PRDM5: variants seen among roughly 807,000 people sequenced by gnomAD.
PRDM5 encodes the protein PR/SET domain 5.
A neutral mutation model predicts 81.2 loss-of-function variants in PRDM5; 56 were observed. The observed-to-expected ratio is 0.69, with a 90% confidence interval of 0.56 to 0.86. The LOEUF is 0.86. PRDM5 is among the 40% of genes least tolerant of loss of function. PRDM5 has a pLI of 0.00. For missense variants in PRDM5, 697 were observed against 770.1 expected (o/e 0.91, Z 1.12); for synonymous variants, 267 against 256.4 (o/e 1.04, Z -0.39).
In PRDM5 at chr4:120,703,801, G is replaced by A. The variant is rs546850575; in HGVS notation, c.1728+6508C>T. Among the ~76,000 whole-genome samples, 3 of 152,230 alleles carry A rather than the reference G, an allele frequency of 2.0e-5. No homozygotes were observed. The South Asian group carries it at 6.2e-4, about 32-fold the overall frequency. ...GTGGTGTTTCCAGAATTTAAACCCA[G>A]ACAGTCTGGGTTCAGAGTCTATCCT... On this transcript the variant is annotated intron_variant, in intron 15 of 15. Coordinates refer to ENST00000264808, the MANE Select transcript of PRDM5 (RefSeq NM_018699.4).
intron 14 of PRDM5, among the ~76,000 whole-genome samples, chr4:120,726,347 T>G (rs1036981090): frequency 6.6e-6 from 1 of 152,222 alleles, no homozygotes; most frequent in Non-Finnish European, 1.5e-5. Flanking sequence ...GAGAGCCTCA[T>G]GGACTCACGG....
intron 13 of PRDM5, among the ~76,000 whole-genome samples, chr4:120,771,194 C>T (rs1193926744): frequency 3.9e-5 from 6 of 152,020 alleles, no homozygotes; most frequent in Admixed American, 6.6e-5. Context: ...TAACAATGTT[C>T]TTTTTATAAA....
intron 1 of PRDM5, among the ~76,000 whole-genome samples, chr4:120,919,532 CA>C (rs2148720514): frequency 6.6e-6 from 1 of 152,136 alleles, no homozygotes; most frequent in African/African-American, 2.4e-5. Flanking sequence ...GGTACAATAT[CA>C]AAAAACACCA....
At chr4:120,781,054 A>T in intron 12 of PRDM5, 89 bp downstream of exon 12, 1 of 1,103,324 alleles carries the variant, frequency 9.1e-7, no homozygotes, top group Non-Finnish European at 1.3e-6. Flanking sequence ...TTGATAGATT[A>T]ATATATAATT....
intron 14 of PRDM5, among the ~76,000 whole-genome samples, chr4:120,738,882 T>G (rs929540111): frequency 2.0e-5 from 3 of 152,248 alleles, no homozygotes; most frequent in African/African-American, 7.2e-5. Flanking sequence ...TGTTTATGGT[T>G]TAATATTTGT....
chr4:120,799,074 A>C (rs1357742874), intron 9 of PRDM5, among the ~76,000 whole-genome samples: 1 of 152,190 alleles, frequency 6.6e-6, no homozygotes, highest in African/African-American at 2.4e-5. Context: ...TAAACTCTAG[A>C]GACTCCATAA....
At position 120,816,943 on chromosome 4, in the gene PRDM5, A is replaced by C. The variant is rs1754601014; in HGVS notation, c.651-19T>G. On this transcript the variant is annotated intron_variant, in intron 5 of 15. Coordinates refer to ENST00000264808, the MANE Select transcript of PRDM5 (RefSeq NM_018699.4). ...AAGAACACTAAAGGGAAATAGGAAA[A>C]AGAGAAAGAAAAGAAAACAAAAACT... is the stretch of plus-strand genomic sequence containing the variant. The C allele has an allele frequency of 6.3e-6, 10 of 1,590,276 alleles. No homozygotes were observed. Among genetic ancestry groups the C allele is most frequent in the African/African-American group, 1.3e-5 (1 of 74,410 alleles).
At chr4:120,816,369 C>T (rs1209863492) in intron 7 of PRDM5, 84 bp downstream of exon 7, 12 of 1,609,046 alleles carry the variant, frequency 7.5e-6, no homozygotes, top group Non-Finnish European at 1.0e-5. Context: ...CCAGCTCTCT[C>T]CTCAAGAGCG....
exon 2 of PRDM5, chr4:120,684,968 T>C (rs1487081895): frequency 6.6e-6 from 1 of 152,020 alleles, no homozygotes; most frequent in Non-Finnish European, 1.5e-5. Context: ...AATGCATAAA[T>C]GACAAATTTC....
chr4:120,906,143 T>C lies in PRDM5; in HGVS notation c.177+1331A>G, dbSNP rs145848007. 3.2e-4 allele frequency among the ~76,000 whole-genome samples: 49 copies of C among 152,134 alleles called. No individual in the cohort carries two copies. The East Asian group carries it at 5.8e-3, about 18-fold the overall frequency. On this transcript the variant is annotated intron_variant, in intron 2 of 15. Coordinates refer to ENST00000264808, the MANE Select transcript of PRDM5 (RefSeq NM_018699.4). ...CGTACCACAAGGCCCAGATAATTTT[T>C]TATATTTTTTTAAGACATTGGGTTG...
At chr4:120,685,849 A>G (rs1303453718) in intron 1 of PRDM5, among the ~76,000 whole-genome samples, 1 of 151,898 alleles carries the variant, frequency 6.6e-6, no homozygotes, top group East Asian at 1.9e-4. Flanking sequence ...TCCTTTTCAT[A>G]TAGTTTGGAT....
chr4:120,845,893 G>C (rs1430038505), intron 3 of PRDM5, among the ~76,000 whole-genome samples: 1 of 152,190 alleles, frequency 6.6e-6, no homozygotes, highest in African/African-American at 2.4e-5. Context: ...AAGTTTAGAA[G>C]TCAATTCCAA....
At chr4:120,785,175 G>A (rs377207670) in intron 10 of PRDM5, 84 bp from the exon 11 acceptor site, 57 of 1,031,402 alleles carry the variant, frequency 5.5e-5, no homozygotes, top group African/African-American at 3.9e-4. Flanking sequence ...TTCATGATGC[G>A]AAAGAGGAAA....
At chr4:120,852,115 T>A (rs1759340593) in intron 3 of PRDM5, among the ~76,000 whole-genome samples, 3 of 152,156 alleles carry the variant, frequency 2.0e-5, no homozygotes, top group Non-Finnish European at 4.4e-5. Context: ...TATATCGTTT[T>A]CTCTTCTTGC....
At chr4:120,689,330 C>A (rs1733950005), downstream of PRDM5, among the ~76,000 whole-genome samples, 1 of 152,000 alleles carries the variant, frequency 6.6e-6, no homozygotes, top group Non-Finnish European at 1.5e-5. Context: ...GCAGCTGAAA[C>A]AACATAAGAG....
chr4:120,783,637 T>C (rs373636662), intron 11 of PRDM5, among the ~76,000 whole-genome samples: 22 of 152,250 alleles, frequency 1.4e-4, no homozygotes, highest in Middle Eastern at 3.4e-3. Context: ...TTTTTCTAAA[T>C]CAAACTGGTA....
intron 1 of PRDM5, among the ~76,000 whole-genome samples, chr4:120,919,103 T>C (rs1724580698): frequency 1.3e-5 from 2 of 152,220 alleles, no homozygotes; most frequent in African/African-American, 4.8e-5. Context: ...TTCAGCTCTC[T>C]GCTCAGAAGT....
At chr4:120,900,139 T>C (rs564735546) in intron 2 of PRDM5, among the ~76,000 whole-genome samples, 10 of 152,322 alleles carry the variant, frequency 6.6e-5, no homozygotes, top group Non-Finnish European at 7.3e-5. Context: ...CACAGTTCTT[T>C]TGGGTTTTTA....
At chr4:120,730,944 T>C (rs1740157522) in intron 14 of PRDM5, among the ~76,000 whole-genome samples, 1 of 152,090 alleles carries the variant, frequency 6.6e-6, no homozygotes, top group Admixed American at 6.6e-5. Context: ...GAGACGAAGT[T>C]GTTCTCTGAC....
Sources: gnomAD v4.1 joint callset for allele counts (sites outside exome capture counted in the v4.1 genomes callset) on GRCh38, gnomAD v4.1.1 for gene constraint, MANE v1.5 for transcripts, NCBI Gene and HGNC (gene_info 2026-07-23, HGNC 2026-07-21) for gene names.